CSMD1: variants seen among roughly 807,000 people sequenced by gnomAD.
The protein encoded by CSMD1 is CUB and sushi domain-containing protein 1.
In CSMD1, 213 loss-of-function variants were observed where a neutral mutation model predicts 417.5. The observed-to-expected ratio is 0.51, with a 90% CI of 0.46 to 0.57. CSMD1 has a LOEUF of 0.57. Ranked by LOEUF, CSMD1 falls within the 20% of genes least tolerant of loss-of-function variation. The pLI is 0.00. For synonymous variants in CSMD1, 2,862 were observed against 1,736.8 expected (o/e 1.65, Z -16.11); for missense variants, 6,923 against 4,529.7 (o/e 1.53, Z -15.17).
rs751854109 is a variant in CSMD1 at position 3,018,664 on chromosome 8, C to T, written c.7856-14G>A. The T allele has an allele frequency of 4.4e-6, 7 of 1,604,788 alleles. No individual in the cohort carries two copies. Among genetic ancestry groups the T allele is most frequent in the East Asian group, 2.2e-5 (1 of 44,674 alleles). ...CACACGAGATAACTAGAAGGAAAAA[C>T]AATAAAATGAACATCAATTCAGTTA... On this transcript the variant is annotated splice_polypyrimidine_tract_variant and intron_variant, in intron 51 of 69. Transcript: ENST00000635120.
chr8:3,666,566 C>G (rs1193711496), intron 7 of CSMD1, among the ~76,000 whole-genome samples: 1 of 152,116 alleles, frequency 6.6e-6, no homozygotes, highest in Non-Finnish European at 1.5e-5. Context: ...TGTGTCCCCA[C>G]CCAAATCTCA....
chr8:3,628,264 G>C (rs1329569432), intron 7 of CSMD1, among the ~76,000 whole-genome samples: 1 of 152,064 alleles, frequency 6.6e-6, no homozygotes, highest in Non-Finnish European at 1.5e-5. Flanking sequence ...TTTCTTTAAA[G>C]AGAAAAACAA....
chr8:4,603,488 A>C (rs1414873469), intron 2 of CSMD1, among the ~76,000 whole-genome samples: 4 of 152,158 alleles, frequency 2.6e-5, no homozygotes, highest in Admixed American at 2.0e-4. Flanking sequence ...TAAATAATAA[A>C]GGTAAGTATT....
At chr8:4,393,390 G>C (rs1010462895) in intron 3 of CSMD1, among the ~76,000 whole-genome samples, 2 of 152,206 alleles carry the variant, frequency 1.3e-5, no homozygotes, top group African/African-American at 4.8e-5. Flanking sequence ...GAGAAATTCA[G>C]TTATGGTTGT....
intron 5 of CSMD1, among the ~76,000 whole-genome samples, chr8:3,836,506 A>T (rs1317095529): frequency 6.6e-6 from 1 of 152,148 alleles, no homozygotes; most frequent in Non-Finnish European, 1.5e-5. Context: ...TACTAATTTT[A>T]AGCCACATCT....
In CSMD1 at chr8:3,524,459, G is replaced by T. The variant is rs564573862; in HGVS notation, c.1345-30733C>A. On this transcript the variant is annotated intron_variant, in intron 10 of 69. Coordinates refer to ENST00000635120, the MANE Select transcript of CSMD1 (RefSeq NM_033225.6). ...CATCTGCACGCACACATGCACATAT[G>T]CATGCACACCCAGAAAGACATGTGC... 3.5e-4 allele frequency among the ~76,000 whole-genome samples: 51 copies of T among 147,196 alleles called. No individual in the cohort carries two copies. The South Asian group carries it at 0.011, about 32-fold the overall frequency.
chr8:4,942,008 T>C (rs1037487677), intron 1 of CSMD1, among the ~76,000 whole-genome samples: 6 of 152,220 alleles, frequency 3.9e-5, no homozygotes, highest in Admixed American at 1.3e-4. Flanking sequence ...AATCAAATCA[T>C]TACAGTCTTC....
At chr8:4,211,047 A>G (rs1000339977) in intron 3 of CSMD1, among the ~76,000 whole-genome samples, 2 of 152,162 alleles carry the variant, frequency 1.3e-5, no homozygotes, top group South Asian at 2.1e-4. Context: ...ATACAAACAC[A>G]TTTCCTTCCT....
intron 2 of CSMD1, among the ~76,000 whole-genome samples, chr8:4,446,557 T>G (rs1254603444): frequency 6.6e-6 from 1 of 152,064 alleles, no homozygotes; most frequent in Non-Finnish European, 1.5e-5. Flanking sequence ...TGCTTTGTTT[T>G]GTTTTGTTGT....
At chr8:4,022,759 G>C (rs183873460) in intron 4 of CSMD1, among the ~76,000 whole-genome samples, 2 of 152,270 alleles carry the variant, frequency 1.3e-5, no homozygotes, top group African/African-American at 4.8e-5. Flanking sequence ...GAAACTTTGG[G>C]AATCAGAGAA....
At chr8:4,243,493 C>CT (rs1802526044) in intron 3 of CSMD1, among the ~76,000 whole-genome samples, 1 of 152,092 alleles carries the variant, frequency 6.6e-6, no homozygotes, top group Admixed American at 6.6e-5. Context: ...AAAACAGAAA[C>CT]TTTCTAATTT....
intron 2 of CSMD1, among the ~76,000 whole-genome samples, chr8:4,509,707 A>C (rs1802714736): frequency 6.6e-6 from 1 of 152,168 alleles, no homozygotes; most frequent in African/African-American, 2.4e-5. Context: ...CACTTTTGAC[A>C]CTTATTAAGC....
Position 3,363,534 on chromosome 8 carries a change from T to TATTA in CSMD1, c.3115+3494_3115+3497dup, listed in dbSNP as rs906425784. 2.6e-5 allele frequency among the ~76,000 whole-genome samples: 4 copies of TATTA among 151,938 alleles called. No individual in the cohort carries two copies. The South Asian group carries it at 6.2e-4, about 24-fold the overall frequency. On this transcript the variant is annotated intron_variant, in intron 20 of 69. Coordinates refer to ENST00000635120, the MANE Select transcript of CSMD1 (RefSeq NM_033225.6). ...AGGCTTATTTATTTATTTATTTATT[T>TATTA]ATTATTTTTTTGAGACCGAGTCTCG...
chr8:4,336,992 G>A (rs908166114), intron 3 of CSMD1, among the ~76,000 whole-genome samples: 1 of 152,018 alleles, frequency 6.6e-6, no homozygotes, highest in African/African-American at 2.4e-5. Context: ...TTTCTTCCCA[G>A]AATGGCTGAC....
At chr8:3,111,272 A>G (rs1370001410) in intron 42 of CSMD1, among the ~76,000 whole-genome samples, 2 of 152,258 alleles carry the variant, frequency 1.3e-5, no homozygotes, top group South Asian at 2.1e-4. Context: ...GGGATATGAT[A>G]CACTGTTGAA....
At chr8:4,644,678 G>A (rs1030534455) in intron 1 of CSMD1, among the ~76,000 whole-genome samples, 1 of 152,202 alleles carries the variant, frequency 6.6e-6, no homozygotes, top group Non-Finnish European at 1.5e-5. Context: ...CAAAGTACTG[G>A]AATTACAGGT....
intron 1 of CSMD1, among the ~76,000 whole-genome samples, chr8:4,794,287 G>A (rs1797856499): frequency 6.6e-6 from 1 of 152,018 alleles, no homozygotes; most frequent in African/African-American, 2.4e-5. Flanking sequence ...CTACCATTTT[G>A]ATATTCTTGC....
In CSMD1 at chr8:4,890,962, G is replaced by A. The variant is rs138918282; in HGVS notation, c.85+103370C>T. Among the ~76,000 whole-genome samples the A allele has an allele frequency of 2.0e-5, 3 of 152,142 alleles. No individual in the cohort carries two copies. The East Asian group carries it at 5.8e-4, about 30-fold the overall frequency. On this transcript the variant is annotated intron_variant, in intron 1 of 69. Coordinates refer to ENST00000635120, the MANE Select transcript of CSMD1 (RefSeq NM_033225.6). ...AGAGAATCCAAGGGAAAGTATTGGT[G>A]GTGTTTGATTTCATAGTAAGAACAC...
At chr8:4,382,575 G>A (rs904882663) in intron 3 of CSMD1, among the ~76,000 whole-genome samples, 4 of 152,138 alleles carry the variant, frequency 2.6e-5, no homozygotes, top group African/African-American at 9.7e-5. Flanking sequence ...TTCCTTTAAA[G>A]GAAAGTTAAA....
Sources: gnomAD v4.1 joint callset for allele counts (sites outside exome capture counted in the v4.1 genomes callset) on GRCh38, gnomAD v4.1.1 for gene constraint, MANE v1.5 for transcripts, NCBI Gene and HGNC (gene_info 2026-07-23, HGNC 2026-07-21) for gene names.